The following CCDC73 variants were observed in gnomAD, a reference collection of about 807,000 sequenced individuals.
CCDC73 encodes coiled-coil domain-containing protein 73.
Under a neutral mutation model 116.5 loss-of-function variants are expected in CCDC73, and 95 were observed. The ratio of observed to expected loss-of-function variants is 0.82; its 90% CI spans 0.69 to 0.97. CCDC73 has a LOEUF of 0.97. Ranked by LOEUF, CCDC73 falls within the 50% of genes least tolerant of loss-of-function variation. The probability of loss-of-function intolerance (pLI) is 0.00; values close to 1 mark genes in which losing one functional copy is unlikely to be tolerated. For missense variants in CCDC73, 1,066 were observed against 1,206.8 expected, an observed-to-expected ratio of 0.88 and a Z score of 1.73; for synonymous variants, 398 against 401.3, an observed-to-expected ratio of 0.99 and a Z score of 0.10.
At chr11:32,627,643 A>T (rs1385051749) in intron 14 of CCDC73, among the ~76,000 whole-genome samples, 1 of 152,224 alleles carries the variant, frequency 6.6e-6, no homozygotes, top group Non-Finnish European at 1.5e-5. Context: ...TGCAGCCATA[A>T]AAAAGGATGA....
chr11:32,632,449 C>T (rs1047755709), intron 14 of CCDC73, among the ~76,000 whole-genome samples: 1 of 152,178 alleles, frequency 6.6e-6, no homozygotes, highest in African/African-American at 2.4e-5. Flanking sequence ...TGGTCTTGAA[C>T]TCCTGAGCTC....
chr11:32,776,986 C>CATATATATATATAT (rs1232030218), intron 1 of CCDC73, among the ~76,000 whole-genome samples: 2 of 95,774 alleles, frequency 2.1e-5, no homozygotes, highest in Admixed American at 9.9e-5. Flanking sequence ...TATATATACA[C>CATATATATATATAT]ATGTATATAT....
chr11:32,773,257 T>A (rs1850505902), intron 1 of CCDC73, among the ~76,000 whole-genome samples: 1 of 152,050 alleles, frequency 6.6e-6, no homozygotes, highest in Non-Finnish European at 1.5e-5. Context: ...TGTATTTGCT[T>A]AGGTTGGGGG....
the CCDC73 span, among the ~76,000 whole-genome samples, chr11:32,821,076 A>G: frequency 1.3e-5 from 2 of 152,170 alleles, no homozygotes; most frequent in Non-Finnish European, 2.9e-5. Flanking sequence ...AAATTTATCA[A>G]TCTTTACATT....
chr11:32,807,495 A>C, the CCDC73 span, among the ~76,000 whole-genome samples: 11 of 152,152 alleles, frequency 7.2e-5, 1 homozygote, highest in Admixed American at 4.6e-4. Context: ...AGTTTGTCCA[A>C]CCCATGGCTT....
chr11:32,785,866 G>T (rs1850622978), intron 1 of CCDC73, among the ~76,000 whole-genome samples: 1 of 152,072 alleles, frequency 6.6e-6, no homozygotes, highest in South Asian at 2.1e-4. Context: ...CACAGAGGAG[G>T]TTTCAGTTTC....
At chr11:32,663,291 A>G (rs1452695529) in intron 9 of CCDC73, among the ~76,000 whole-genome samples, 1 of 152,088 alleles carries the variant, frequency 6.6e-6, no homozygotes, top group Non-Finnish European at 1.5e-5. Context: ...CATTTTCACG[A>G]TATTGATTCT....
At chr11:32,629,174 G>A (rs115699312) in intron 14 of CCDC73, among the ~76,000 whole-genome samples, 2,279 of 152,086 alleles carry the variant, frequency 0.015, 60 homozygotes, top group African/African-American at 0.052. Flanking sequence ...GTAACCTGTG[G>A]GACAATATTA....
chr11:32,642,555 T>C lies in CCDC73; in HGVS notation c.940-473A>G, dbSNP rs558815031. On this transcript the variant is annotated intron_variant, in intron 12 of 17. Coordinates refer to ENST00000335185, the MANE Select transcript of CCDC73 (RefSeq NM_001008391.4). ...ACTTTTTAAGTATAACTTAAATATT[T>C]ACCATATTAACTTAATTACTTCATT... Among the ~76,000 whole-genome samples the C allele has an allele frequency of 3.9e-5, 6 of 152,122 alleles. No homozygotes were observed. In the South Asian group the frequency reaches 1.2e-3, roughly 31 times the overall value.
intron 2 of CCDC73, among the ~76,000 whole-genome samples, chr11:32,744,606 G>A (rs552586266): frequency 6.6e-6 from 1 of 152,286 alleles, no homozygotes; most frequent in South Asian, 2.1e-4. Flanking sequence ...GGTCTATTCA[G>A]AGATCAACTT....
At chr11:32,661,312 T>A (rs182831533) in intron 9 of CCDC73, among the ~76,000 whole-genome samples, 158 of 152,322 alleles carry the variant, frequency 1.0e-3, no homozygotes, top group Admixed American at 2.1e-3. Context: ...ACAATTTTTT[T>A]TATTATACTT....
intron 15 of CCDC73, 46 bp from the exon 16 acceptor site, chr11:32,614,988 G>T: frequency 1.7e-6 from 2 of 1,147,846 alleles, no homozygotes; most frequent in Non-Finnish European, 2.5e-6. Context: ...TACACTAAAG[G>T]CTGATTTCAT....
At chr11:32,817,372 G>A in the CCDC73 span, among the ~76,000 whole-genome samples, 4 of 152,302 alleles carry the variant, frequency 2.6e-5, no homozygotes, top group South Asian at 8.3e-4. Flanking sequence ...TACATGTGTT[G>A]CCAAATGGCC....
intron 4 of CCDC73, among the ~76,000 whole-genome samples, chr11:32,701,541 A>C (rs1849812979): frequency 6.6e-6 from 1 of 152,082 alleles, no homozygotes; most frequent in Non-Finnish European, 1.5e-5. Flanking sequence ...TTGACAAAAA[A>C]CTTTTAAAAA....
Position 32,613,459 on chromosome 11 carries a change from A to G in CCDC73, c.2859T>C (p.Asn953=). The change falls in exon 16 of 18, where the codon AAT becomes AAC. Residue 953 remains asparagine (N), a synonymous_variant. Coordinates refer to ENST00000335185, the MANE Select transcript of CCDC73 (RefSeq NM_001008391.4). The part of the protein sequence containing the change: ...KKIISMALCK[N]IGVDDVGKDI... Reference sequence around the variant, plus strand: ...CCTTTCCAACATCATCCACACCAATATTTTTACAAAGAGCCATTGAAATGA... The same window carrying G: ...CCTTTCCAACATCATCCACACCAATGTTTTTACAAAGAGCCATTGAAATGA... 1.9e-6 allele frequency: 3 copies of G among 1,613,760 alleles called. No individual in the cohort carries two copies. Among genetic ancestry groups the G allele is most frequent in the Non-Finnish European group, 1.7e-6 (2 of 1,179,814 alleles).
chr11:32,644,033 T>C (rs1174850724), intron 12 of CCDC73, among the ~76,000 whole-genome samples: 1 of 152,084 alleles, frequency 6.6e-6, no homozygotes, highest in Non-Finnish European at 1.5e-5. Flanking sequence ...GGTCAAAAAC[T>C]GAGACACATC....
At chr11:32,732,724 A>AT (rs1398187163) in intron 2 of CCDC73, among the ~76,000 whole-genome samples, 11 of 152,192 alleles carry the variant, frequency 7.2e-5, no homozygotes, top group Admixed American at 2.6e-4. Flanking sequence ...ATGCTGAGAG[A>AT]TTTTGTCACC....
intron 2 of CCDC73, among the ~76,000 whole-genome samples, chr11:32,742,357 A>G (rs1438144452): frequency 2.6e-5 from 4 of 152,268 alleles, no homozygotes; most frequent in South Asian, 4.1e-4. Context: ...TCTAACTGGC[A>G]TGAGATGGTA....
chr11:32,713,225 T>G (rs761138730), intron 3 of CCDC73, among the ~76,000 whole-genome samples: 8 of 152,014 alleles, frequency 5.3e-5, no homozygotes, highest in Middle Eastern at 3.2e-3. Flanking sequence ...AACTGACCCC[T>G]AAATCATGAC....
Sources: allele counts gnomAD v4.1 joint callset (sites outside exome capture counted in the v4.1 genomes callset), GRCh38; gene constraint gnomAD v4.1.1; transcripts MANE v1.5; gene names NCBI Gene and HGNC (gene_info 2026-07-23, HGNC 2026-07-21).